ARHGAP15: variants seen among roughly 807,000 people sequenced by gnomAD.
The protein encoded by ARHGAP15 is Rho GTPase activating protein 15.
Under a neutral mutation model 63.7 loss-of-function variants are expected in ARHGAP15, and 51 were observed. The observed-to-expected ratio is 0.80, with a 90% CI of 0.64 to 1.01. The LOEUF (loss-of-function observed/expected upper bound fraction) is 1.01, where lower values mean the gene tolerates loss of function less well. Ranked by LOEUF, ARHGAP15 falls within the 50% of genes least tolerant of loss-of-function variation. The pLI is 0.00. For missense variants in ARHGAP15, 560 were observed against 564.6 expected (o/e 0.99, Z 0.08); for synonymous variants, 191 against 193.8 (o/e 0.99, Z 0.12).
At chr2:143,250,170 T>A (rs1245132105) in intron 5 of ARHGAP15, among the ~76,000 whole-genome samples, 1 of 152,058 alleles carries the variant, frequency 6.6e-6, no homozygotes, top group Non-Finnish European at 1.5e-5. Context: ...ACTTTAGACA[T>A]TGAAGAGCAA....
chr2:143,299,630 A>G (rs1574234577), intron 6 of ARHGAP15, among the ~76,000 whole-genome samples: 1 of 151,400 alleles, frequency 6.6e-6, no homozygotes, highest in East Asian at 1.9e-4. Context: ...TTTCCATGGT[A>G]CTCTCTCTCC....
chr2:143,561,394 AC>A (rs1274333273), intron 11 of ARHGAP15, among the ~76,000 whole-genome samples: 6 of 152,214 alleles, frequency 3.9e-5, no homozygotes, highest in African/African-American at 1.4e-4. Flanking sequence ...GGAAGAACTG[AC>A]TGGGAATTTT....
At chr2:143,481,901 C>G (rs1209288532) in intron 8 of ARHGAP15, among the ~76,000 whole-genome samples, 1 of 152,164 alleles carries the variant, frequency 6.6e-6, no homozygotes, top group African/African-American at 2.4e-5. Context: ...AATTAAGTCT[C>G]TCAACTGGTT....
At chr2:143,472,593 T>G (rs1691630140) in intron 8 of ARHGAP15, among the ~76,000 whole-genome samples, 1 of 152,142 alleles carries the variant, frequency 6.6e-6, no homozygotes, top group African/African-American at 2.4e-5. Flanking sequence ...TTTAGACGCA[T>G]CAGTATTGTG....
chr2:143,480,183 T>C (rs1431115036), intron 8 of ARHGAP15, among the ~76,000 whole-genome samples: 2 of 152,144 alleles, frequency 1.3e-5, no homozygotes, highest in African/African-American at 4.8e-5. Flanking sequence ...CAGTGAAGAA[T>C]TTACATCATA....
chr2:143,699,174 G>A (rs1683977359), intron 12 of ARHGAP15, among the ~76,000 whole-genome samples: 1 of 152,022 alleles, frequency 6.6e-6, no homozygotes, highest in East Asian at 1.9e-4. Flanking sequence ...TGTATTTTTA[G>A]ATGTTTCTCC....
At chr2:143,607,709 A>G (rs1361671456) in intron 11 of ARHGAP15, 1 of 152,148 alleles carries the variant, frequency 6.6e-6, no homozygotes, top group African/African-American at 2.4e-5. Context: ...AGAATTTTTT[A>G]TGCCTGGAGG....
chr2:143,334,627 T>C (rs1179554622), intron 6 of ARHGAP15, among the ~76,000 whole-genome samples: 1 of 152,224 alleles, frequency 6.6e-6, no homozygotes, highest in Non-Finnish European at 1.5e-5. Flanking sequence ...TTTTTCCTGT[T>C]ATGTAGCATA....
chr2:143,174,866 C>T (rs1467585318), intron 2 of ARHGAP15, among the ~76,000 whole-genome samples: 1 of 151,854 alleles, frequency 6.6e-6, no homozygotes, highest in Non-Finnish European at 1.5e-5. Flanking sequence ...ACAATGTATC[C>T]CGAAAAAATA....
At chr2:143,543,800 C>A (rs929187639) in intron 10 of ARHGAP15, among the ~76,000 whole-genome samples, 2 of 152,062 alleles carry the variant, frequency 1.3e-5, no homozygotes, top group African/African-American at 2.4e-5. Context: ...AAGGGAACAA[C>A]TGTTATTGGA....
At chr2:143,622,739 A>G (rs1273437443) in intron 11 of ARHGAP15, among the ~76,000 whole-genome samples, 2 of 150,226 alleles carry the variant, frequency 1.3e-5, no homozygotes, top group Non-Finnish European at 3.0e-5. Context: ...TTGAGCAGGA[A>G]CACCACTTAC....
chr2:143,662,080 G>T (rs993924352), intron 12 of ARHGAP15, among the ~76,000 whole-genome samples: 1 of 152,238 alleles, frequency 6.6e-6, no homozygotes, highest in South Asian at 2.1e-4. Flanking sequence ...AGCTCAAGAA[G>T]GCCTGCCTGC....
chr2:143,396,634 C>G (rs1045199918), intron 6 of ARHGAP15, among the ~76,000 whole-genome samples: 3 of 147,118 alleles, frequency 2.0e-5, no homozygotes, highest in African/African-American at 7.5e-5. Flanking sequence ...TTTTTTTAAT[C>G]TAAACGGGTA....
At position 143,248,536 on chromosome 2, in the gene ARHGAP15, C is replaced by T. The variant is rs187014652; in HGVS notation, c.385-1975C>T. On this transcript the variant is annotated intron_variant, in intron 5 of 13. Coordinates refer to ENST00000295095, the MANE Select transcript of ARHGAP15 (RefSeq NM_018460.4). ...GATCTAAATCCTGGCCCCTCCTTTT[C>T]TAGCTGGGTAACCTTGAGGAAATTT... Among the ~76,000 whole-genome samples the T allele has an allele frequency of 4.7e-3, 713 of 152,320 alleles. 5 individuals carry two copies. The highest frequency in any genetic ancestry group is 0.012 in the Admixed American group (183 of 15,290).
At chr2:143,173,410 T>G (rs1690878297) in intron 2 of ARHGAP15, among the ~76,000 whole-genome samples, 1 of 152,056 alleles carries the variant, frequency 6.6e-6, no homozygotes, top group Admixed American at 6.6e-5. Flanking sequence ...AAAATTTATT[T>G]TGTACTTTTA....
intron 6 of ARHGAP15, among the ~76,000 whole-genome samples, chr2:143,304,353 G>A (rs924038705): frequency 2.6e-5 from 4 of 151,870 alleles, no homozygotes; most frequent in Non-Finnish European, 5.9e-5. Flanking sequence ...CTATTGCAAG[G>A]ACAAAAAACC....
chr2:143,716,155 A>G (rs1361424762), intron 13 of ARHGAP15, among the ~76,000 whole-genome samples: 1 of 152,192 alleles, frequency 6.6e-6, no homozygotes, highest in Non-Finnish European at 1.5e-5. Flanking sequence ...CACATCCTGC[A>G]TAGTTACTCC....
chr2:143,252,355 A>C (rs970202960), intron 6 of ARHGAP15, among the ~76,000 whole-genome samples: 11 of 152,060 alleles, frequency 7.2e-5, no homozygotes, highest in Admixed American at 2.6e-4. Flanking sequence ...GGATATGACT[A>C]ATCACCTCCT....
chr2:143,330,094 C>CAAAAAAAAAAAAAAAAAAAAAAAA (rs1303438123), intron 6 of ARHGAP15, among the ~76,000 whole-genome samples: 5 of 1,682 alleles, frequency 3.0e-3, no homozygotes, highest in Non-Finnish European at 5.5e-3. Context: ...GGCTCTGTCT[C>CAAAAAAAAAAAAAAAAAAAAAAAA]AAAAAAAAAA....
Sources: gnomAD v4.1 joint callset for allele counts (sites outside exome capture counted in the v4.1 genomes callset) on GRCh38, gnomAD v4.1.1 for gene constraint, MANE v1.5 for transcripts, NCBI Gene and HGNC (gene_info 2026-07-23, HGNC 2026-07-21) for gene names.